The following PDZRN4 variants were observed in gnomAD, a reference collection of about 807,000 sequenced individuals.
PDZRN4 encodes the protein PDZ domain containing ring finger 4.
Under a neutral mutation model 99.0 loss-of-function variants are expected in PDZRN4, and 70 were observed. The observed-to-expected ratio is 0.71, with a 90% CI of 0.58 to 0.86. The LOEUF (loss-of-function observed/expected upper bound fraction) is 0.86, where lower values mean the gene tolerates loss of function less well. PDZRN4 is among the 40% of genes least tolerant of loss of function. The pLI is 0.00. For missense variants in PDZRN4, 1,474 were observed against 1,331.2 expected, an observed-to-expected ratio of 1.11 and a Z score of -1.67; for synonymous variants, 551 against 501.6, an observed-to-expected ratio of 1.10 and a Z score of -1.32.
chr12:41,321,251 A>T (rs1455001203), intron 3 of PDZRN4, among the ~76,000 whole-genome samples: 1 of 152,194 alleles, frequency 6.6e-6, no homozygotes, highest in Non-Finnish European at 1.5e-5. Context: ...TAGGTCGGTC[A>T]TGGGAAAGTG....
chr12:41,351,556 C>T (rs1951890543), intron 3 of PDZRN4, among the ~76,000 whole-genome samples: 1 of 151,926 alleles, frequency 6.6e-6, no homozygotes, highest in African/African-American at 2.4e-5. Flanking sequence ...GGGAAGCAAG[C>T]ACATCTTCAC....
At chr12:41,347,859 A>G (rs1203015441) in intron 3 of PDZRN4, among the ~76,000 whole-genome samples, 1 of 152,170 alleles carries the variant, frequency 6.6e-6, no homozygotes, top group African/African-American at 2.4e-5. Flanking sequence ...TGGTTTGGTC[A>G]GATATATTAG....
intron 5 of PDZRN4, among the ~76,000 whole-genome samples, chr12:41,523,788 A>G (rs1249061167): frequency 1.3e-5 from 2 of 152,168 alleles, no homozygotes; most frequent in African/African-American, 4.8e-5. Context: ...AACCACCCAC[A>G]CAAAGATCAA....
chr12:41,248,106 T>A (rs1043376462), intron 3 of PDZRN4, among the ~76,000 whole-genome samples: 1 of 152,224 alleles, frequency 6.6e-6, no homozygotes, highest in Non-Finnish European at 1.5e-5. Flanking sequence ...TTTAAACCGA[T>A]GTTGCCCAGA....
At position 41,472,106 on chromosome 12, in the gene PDZRN4, C is replaced by T. The variant is rs368581042; in HGVS notation, c.844-34350C>T. ...AACCTCCACACCTCCCAGGTTCAAG[C>T]GATTCTCCTGCCTCAGCCTCCCGAG... On this transcript the variant is annotated intron_variant, in intron 3 of 9. Coordinates refer to ENST00000402685, the MANE Select transcript of PDZRN4 (RefSeq NM_001164595.2). Among the ~76,000 whole-genome samples, 58 of 151,728 alleles carry T rather than the reference C, an allele frequency of 3.8e-4. No homozygotes were observed. In the East Asian group the frequency reaches 4.3e-3, roughly 11 times the overall value.
At chr12:41,426,509 A>G (rs549873368) in intron 3 of PDZRN4, among the ~76,000 whole-genome samples, 1 of 152,300 alleles carries the variant, frequency 6.6e-6, no homozygotes, top group East Asian at 1.9e-4. Context: ...ATCTTATTGA[A>G]AAAGGCATGA....
chr12:41,567,986 T>C (rs1334382584), intron 9 of PDZRN4, 87 bp downstream of exon 9: 1 of 762,320 alleles, frequency 1.3e-6, no homozygotes, highest in African/African-American at 1.8e-5. Context: ...GAAAACAAAA[T>C]CAAAGGGTTT....
At chr12:41,430,455 G>A (rs528333830) in intron 3 of PDZRN4, among the ~76,000 whole-genome samples, 127 of 149,374 alleles carry the variant, frequency 8.5e-4, no homozygotes, top group African/African-American at 2.3e-3. Context: ...GTGACAGAGC[G>A]AGACTCCATC....
intron 9 of PDZRN4, among the ~76,000 whole-genome samples, chr12:41,568,730 T>C (rs1341133954): frequency 6.6e-6 from 1 of 152,144 alleles, no homozygotes; most frequent in African/African-American, 2.4e-5. Context: ...TCATGTCATT[T>C]ATCTGCCTGA....
chr12:41,322,522 A>C lies in PDZRN4; in HGVS notation c.843+128334A>C, dbSNP rs1330349473. On this transcript the variant is annotated intron_variant, in intron 3 of 9. Coordinates refer to ENST00000402685, the MANE Select transcript of PDZRN4 (RefSeq NM_001164595.2). ...TTTTTTTTTTTTGAGACAGAGTCTC[A>C]CTCTGTCACCCAGGCTGGAGTTCAG... Among the ~76,000 whole-genome samples, 3 of 102,284 alleles carry C rather than the reference A, an allele frequency of 2.9e-5. No homozygotes were observed. The East Asian group carries it at 1.0e-3, about 35-fold the overall frequency. 67.1% of individuals were successfully genotyped at this position (102,284 alleles called of 152,430 possible).
intron 5 of PDZRN4, among the ~76,000 whole-genome samples, chr12:41,550,990 T>G (rs957418011): frequency 6.6e-6 from 1 of 152,226 alleles, no homozygotes. Context: ...CATTTTGTAC[T>G]GGTAACTATT....
At chr12:41,322,788 G>A (rs559679702) in intron 3 of PDZRN4, among the ~76,000 whole-genome samples, 28 of 152,006 alleles carry the variant, frequency 1.8e-4, no homozygotes, top group African/African-American at 3.6e-4. Context: ...GAGCCACCGC[G>A]CCGGGCAAAA....
Position 41,469,803 on chromosome 12 carries a change from A to G in PDZRN4, c.844-36653A>G, listed in dbSNP as rs374688937. On this transcript the variant is annotated intron_variant, in intron 3 of 9. Coordinates refer to ENST00000402685, the MANE Select transcript of PDZRN4 (RefSeq NM_001164595.2). ...AAATTAGCCGGGCGTGGTGGCGGGC[A>G]CCTGTAGTCCCAGCTACTTGGGAGG... Among the ~76,000 whole-genome samples, 37 of 152,106 alleles carry G rather than the reference A, an allele frequency of 2.4e-4. No homozygotes were observed. The Middle Eastern group carries it at 0.01, about 42-fold the overall frequency.
intron 3 of PDZRN4, among the ~76,000 whole-genome samples, chr12:41,286,794 C>T (rs1951425498): frequency 6.6e-6 from 1 of 152,110 alleles, no homozygotes; most frequent in South Asian, 2.1e-4. Context: ...TGGCAAATGA[C>T]TCTGATGATG....
At chr12:41,392,400 T>C (rs1952216208) in intron 3 of PDZRN4, among the ~76,000 whole-genome samples, 1 of 152,186 alleles carries the variant, frequency 6.6e-6, no homozygotes, top group Non-Finnish European at 1.5e-5. Context: ...CTATAATATA[T>C]ATGTATATTA....
rs576244166 is a variant in PDZRN4 at position 41,273,979 on chromosome 12, G to C, written c.843+79791G>C. On this transcript the variant is annotated intron_variant, in intron 3 of 9. Coordinates refer to ENST00000402685, the MANE Select transcript of PDZRN4 (RefSeq NM_001164595.2). ...TTGGTCAGCAACCATAGAAATATGGGGTTCATTTTGTCTTTACTTTGTCAT... is the reference window on the plus strand; with the variant it reads ...TTGGTCAGCAACCATAGAAATATGGCGTTCATTTTGTCTTTACTTTGTCAT... Among the ~76,000 whole-genome samples the C allele has an allele frequency of 1.4e-3, 206 of 152,044 alleles. 6 individuals are homozygous for C. The South Asian group carries it at 0.041, about 30-fold the overall frequency.
intron 3 of PDZRN4, among the ~76,000 whole-genome samples, chr12:41,270,326 C>G (rs7955927): frequency 0.12 from 15,931 of 138,334 alleles, 1,400 homozygotes; most frequent in African/African-American, 0.26. Context: ...GTGTGTGTGT[C>G]TGTGTGTGTG....
At chr12:41,430,944 G>A (rs747172771) in intron 3 of PDZRN4, among the ~76,000 whole-genome samples, 5 of 152,172 alleles carry the variant, frequency 3.3e-5, no homozygotes, top group Non-Finnish European at 7.4e-5. Flanking sequence ...CACATGGTGA[G>A]AGCAGGAGCA....
chr12:41,472,865 C>T (rs1953006566), intron 3 of PDZRN4, among the ~76,000 whole-genome samples: 1 of 152,212 alleles, frequency 6.6e-6, no homozygotes, highest in Non-Finnish European at 1.5e-5. Flanking sequence ...TTGAACATCA[C>T]ATCCCTTGCT....
Sources: allele counts gnomAD v4.1 joint callset (sites outside exome capture counted in the v4.1 genomes callset), GRCh38; gene constraint gnomAD v4.1.1; transcripts MANE v1.5; gene names NCBI Gene and HGNC (gene_info 2026-07-23, HGNC 2026-07-21).